Variants in ARHGAP32 observed in about 807,000 individuals in gnomAD.
The protein encoded by ARHGAP32 is rho GTPase-activating protein 32.
ARHGAP32 carries 51 observed loss-of-function variants against 186.5 expected under a neutral mutation model. The ratio of observed to expected loss-of-function variants is 0.27; its 90% CI spans 0.22 to 0.35. The LOEUF (loss-of-function observed/expected upper bound fraction) is 0.35. Ranked by LOEUF, ARHGAP32 falls within the 10% of genes least tolerant of loss-of-function variation. ARHGAP32 has a pLI of 1.00. For missense variants in ARHGAP32, 2,186 were observed against 2,623.5 expected, an observed-to-expected ratio of 0.83 and a Z score of 3.64; for synonymous variants, 950 against 964.3, an observed-to-expected ratio of 0.99 and a Z score of 0.27.
intron 1 of ARHGAP32, among the ~76,000 whole-genome samples, chr11:129,230,716 G>C (rs1944846906): frequency 6.6e-6 from 1 of 151,900 alleles, no homozygotes; most frequent in South Asian, 2.1e-4. Context: ...AAATATCTTT[G>C]AGCTAAATTA....
chr11:129,123,308 C>A lies in ARHGAP32; in HGVS notation c.444+138G>T. ...CAATAGAAGAGAAGAAAGATTTTAC[C>A]TCAACCAATAAGACATCAATTAAAA... On this transcript the variant is annotated intron_variant, in intron 5 of 22. Coordinates refer to ENST00000682385, the MANE Select transcript of ARHGAP32 (RefSeq NM_001378024.1). This position sits in a 1 kb window ranked among gnomAD's most constrained non-coding sequence, Gnocchi z 4.6. 13 of 647,314 alleles carry A rather than the reference C, an allele frequency of 2.0e-5. No homozygotes were observed. Among genetic ancestry groups the A allele is most frequent in the South Asian group, 4.5e-5 (2 of 44,286 alleles). 40.1% of individuals were successfully genotyped at this position (647,314 alleles called of 1,614,324 possible). A position where few individuals can be genotyped will look rare whatever the true frequency, so the allele number is the denominator to read the frequency against.
intron 1 of ARHGAP32, among the ~76,000 whole-genome samples, chr11:129,250,031 T>C (rs1945158151): frequency 6.6e-6 from 1 of 150,768 alleles, no homozygotes; most frequent in South Asian, 2.1e-4. Context: ...CTGGGCAACA[T>C]AGGGAGATCT....
intron 5 of ARHGAP32, among the ~76,000 whole-genome samples, chr11:129,099,348 T>C (rs774709696): frequency 3.3e-5 from 5 of 152,184 alleles, no homozygotes; most frequent in African/African-American, 7.2e-5. Context: ...CAACTGCCTA[T>C]AGTATTCAGC....
Position 129,129,864 on chromosome 11 carries a change from A to AG in ARHGAP32, c.226-4971_226-4970insC, listed in dbSNP as rs1202036319. On this transcript the variant is annotated intron_variant, in intron 2 of 22. Transcript: ENST00000682385. ...ATAGTTACTTCTTCACCTTTCTTTT[A>AG]TAATTAACAAAAGAGTTGAACATAA... Among the ~76,000 whole-genome samples the AG allele has an allele frequency of 5.9e-5, 9 of 152,272 alleles. No homozygotes were observed. In the South Asian group the frequency reaches 1.5e-3, roughly 25 times the overall value.
chr11:129,193,626 T>TAC (rs1944333142), upstream of ARHGAP32, among the ~76,000 whole-genome samples: 1 of 75,156 alleles, frequency 1.3e-5, no homozygotes, highest in Admixed American at 2.0e-4. Flanking sequence ...TGTTATATAA[T>TAC]ATATATAATA....
intron 2 of ARHGAP32, among the ~76,000 whole-genome samples, chr11:129,129,500 C>T (rs904646724): frequency 6.6e-6 from 1 of 151,802 alleles, no homozygotes; most frequent in Non-Finnish European, 1.5e-5. Context: ...AAGTGAGGAG[C>T]CCCTCTGCCC....
At chr11:129,129,123 CG>C (rs1225614847) in intron 2 of ARHGAP32, among the ~76,000 whole-genome samples, 3 of 151,838 alleles carry the variant, frequency 2.0e-5, no homozygotes, top group African/African-American at 7.3e-5. Flanking sequence ...GCCGCGACCC[CG>C]TCTGGGAACT....
intron 15 of ARHGAP32, among the ~76,000 whole-genome samples, chr11:128,983,578 G>A (rs1188469730): frequency 1.3e-5 from 2 of 151,752 alleles, no homozygotes; most frequent in Non-Finnish European, 2.9e-5. Context: ...CACCAACATG[G>A]CACATGTATA....
chr11:129,270,506 T>C (rs1039917537), intron 1 of ARHGAP32, among the ~76,000 whole-genome samples: 4 of 151,856 alleles, frequency 2.6e-5, no homozygotes, highest in Non-Finnish European at 5.9e-5. Flanking sequence ...TTTTTTTTTT[T>C]TCTCCTCTCA....
At chr11:129,022,769 G>A (rs888453253) in intron 11 of ARHGAP32, among the ~76,000 whole-genome samples, 2 of 152,088 alleles carry the variant, frequency 1.3e-5, no homozygotes, top group Non-Finnish European at 2.9e-5. Flanking sequence ...CCTGGAATCT[G>A]GCTATCTATC....
chr11:129,117,295 T>C (rs903910579), intron 5 of ARHGAP32, among the ~76,000 whole-genome samples: 2 of 152,068 alleles, frequency 1.3e-5, no homozygotes, highest in African/African-American at 4.8e-5. Context: ...CTGAAATTGT[T>C]GTGGAGCGTA....
intron 11 of ARHGAP32, among the ~76,000 whole-genome samples, chr11:129,025,374 C>G (rs1938789790): frequency 6.6e-6 from 1 of 151,950 alleles, no homozygotes; most frequent in African/African-American, 2.4e-5. Context: ...AATGGTAGTC[C>G]ACAATAAAAA....
intron 2 of ARHGAP32, among the ~76,000 whole-genome samples, chr11:129,156,318 GC>G (rs2135465841): frequency 6.6e-6 from 1 of 152,326 alleles, no homozygotes; most frequent in East Asian, 1.9e-4. Flanking sequence ...CCCCCAAGGA[GC>G]CCAGCAAGCT....
At chr11:129,071,757 G>A (rs927905769) in intron 6 of ARHGAP32, among the ~76,000 whole-genome samples, 1 of 152,180 alleles carries the variant, frequency 6.6e-6, no homozygotes, top group African/African-American at 2.4e-5. Context: ...GAAGATATCT[G>A]CTCTCCTTGG....
intron 11 of ARHGAP32, among the ~76,000 whole-genome samples, chr11:129,000,591 C>T (rs1565367925): frequency 6.6e-6 from 1 of 152,196 alleles, no homozygotes; most frequent in African/African-American, 2.4e-5. Flanking sequence ...GTATCCATCC[C>T]ATCAAGCATT....
chr11:129,256,686 G>A (rs1030557223), intron 1 of ARHGAP32, among the ~76,000 whole-genome samples: 2 of 152,126 alleles, frequency 1.3e-5, no homozygotes, highest in African/African-American at 4.8e-5. Flanking sequence ...TAAACTGTAA[G>A]AAGAATCCAA....
At chr11:129,183,367 A>T (rs978361503) in intron 1 of ARHGAP32, among the ~76,000 whole-genome samples, 1 of 152,124 alleles carries the variant, frequency 6.6e-6, no homozygotes, top group African/African-American at 2.4e-5. Context: ...TTTAAAAAGG[A>T]TTCTTATCAT....
At chr11:129,044,902 GT>G (rs1177135435) in intron 10 of ARHGAP32, among the ~76,000 whole-genome samples, 1 of 150,858 alleles carries the variant, frequency 6.6e-6, no homozygotes, top group Non-Finnish European at 1.5e-5. Flanking sequence ...AAAAAAAAAA[GT>G]TTTCCATCAC....
At chr11:129,253,436 T>C (rs1945212914) in intron 1 of ARHGAP32, among the ~76,000 whole-genome samples, 1 of 152,122 alleles carries the variant, frequency 6.6e-6, no homozygotes, top group Non-Finnish European at 1.5e-5. Flanking sequence ...CAAGCACTCA[T>C]AAACAGAGCC....
Sources: allele counts gnomAD v4.1 joint callset (sites outside exome capture counted in the v4.1 genomes callset), GRCh38; gene constraint gnomAD v4.1.1; non-coding constraint Gnocchi (gnomAD v3.1); transcripts MANE v1.5; gene names NCBI Gene and HGNC (gene_info 2026-07-23, HGNC 2026-07-21).